Variants in HSDL1 observed in about 807,000 individuals in gnomAD.
HSDL1 encodes the protein hydroxysteroid dehydrogenase like 1, also known as inactive hydroxysteroid dehydrogenase-like protein 1.
Under a neutral mutation model 31.5 loss-of-function variants are expected in HSDL1, and 29 were observed. That is an observed-to-expected ratio of 0.92 (90% CI 0.69 to 1.26). HSDL1 has a LOEUF of 1.26. Among genes scored for constraint, HSDL1 ranks in the 50% most tolerant of loss-of-function variants. The probability of loss-of-function intolerance (pLI) is 0.00; values close to 1 mark genes in which losing one functional copy is unlikely to be tolerated. For synonymous variants in HSDL1, 222 were observed against 155.2 expected (o/e 1.43, Z -3.20); for missense variants, 503 against 416.6 (o/e 1.21, Z -1.81).
In HSDL1 at chr16:84,142,124, C is replaced by T. The variant is rs982873601; in HGVS notation, c.-69+2956G>A. ...TTTTGTGTGTGTAGAGATGAGGTTT[C>T]ACCATGTTGCCCAGGCTGGTCTCAA... On this transcript the variant is annotated intron_variant, in intron 1 of 5. Transcript: ENST00000219439. Among the ~76,000 whole-genome samples, 7 of 152,278 alleles carry T rather than the reference C, an allele frequency of 4.6e-5. No homozygotes were observed. The South Asian group carries it at 1.5e-3, about 32-fold the overall frequency.
In HSDL1 at chr16:84,124,136, CAGCT is replaced by C. The variant is rs1478249210; in HGVS notation, c.*490_*493del. ...AGCATTTTCATTACAGATAGTCAAA[CAGCT>C]AGAGCTATACAATACACACAGATTT... is the stretch of plus-strand genomic sequence containing the variant. On this transcript the variant is annotated 3_prime_UTR_variant, in exon 6 of 6. Transcript: ENST00000219439. 8 of 153,444 alleles carry C rather than the reference CAGCT, an allele frequency of 5.2e-5. No individual in the cohort carries two copies. The highest frequency in any genetic ancestry group is 8.7e-5 in the Non-Finnish European group (6 of 68,858). 9.5% of individuals were successfully genotyped at this position (153,444 alleles called of 1,614,324 possible).
chr16:84,139,578 G>C (rs1159143964), intron 1 of HSDL1, among the ~76,000 whole-genome samples: 1 of 152,204 alleles, frequency 6.6e-6, no homozygotes, highest in Non-Finnish European at 1.5e-5. Flanking sequence ...CCAGAAGGAA[G>C]AGACATCTGT....
chr16:84,125,883 C>G (rs2086601502), intron 5 of HSDL1, among the ~76,000 whole-genome samples: 1 of 152,182 alleles, frequency 6.6e-6, no homozygotes, highest in African/African-American at 2.4e-5. Flanking sequence ...GCGGGTGGAT[C>G]ATGAGGTCAG....
At position 84,131,864 on chromosome 16, in the gene HSDL1, A is replaced by G. The variant is rs555607119; in HGVS notation, c.-6-537T>C. On this transcript the variant is annotated intron_variant, in intron 2 of 5. Transcript: ENST00000219439. ...CCGGCTAATTTTTTGTATTTTTAGT[A>G]GAGACAGGGTTTCACCGCGTTAGCC... 5.3e-5 allele frequency among the ~76,000 whole-genome samples: 8 copies of G among 152,250 alleles called. No individual in the cohort carries two copies. The East Asian group carries it at 1.4e-3, about 26-fold the overall frequency.
intron 5 of HSDL1, chr16:84,125,038 CCAATCACAACAAATACCCACCAAG>C (rs1427567048): frequency 5.0e-6 from 1 of 198,326 alleles, no homozygotes; most frequent in East Asian, 1.2e-4. Context: ...CAAATACCCA[CCAATCACAACAAATACCCACCAAG>C]CAATCACAAC....
intron 3 of HSDL1, 128 bp downstream of exon 3, chr16:84,130,974 G>T: frequency 1.3e-6 from 1 of 752,830 alleles, no homozygotes; most frequent in Non-Finnish European, 2.3e-6. Flanking sequence ...ACATAATCAC[G>T]GCAGGAGCCA....
chr16:84,126,544 A>G (rs2086608571), intron 5 of HSDL1, among the ~76,000 whole-genome samples: 3 of 152,124 alleles, frequency 2.0e-5, no homozygotes, highest in Admixed American at 2.0e-4. Flanking sequence ...GAAAGCCTAC[A>G]CTCCTCTAAC....
intron 5 of HSDL1, among the ~76,000 whole-genome samples, chr16:84,126,008 C>A (rs186207389): frequency 6.7e-6 from 1 of 150,112 alleles, no homozygotes; most frequent in African/African-American, 2.5e-5. Context: ...GAGGCAGAGG[C>A]AGGAAAATGG....
intron 5 of HSDL1, among the ~76,000 whole-genome samples, chr16:84,126,062 C>G (rs911998872): frequency 2.0e-5 from 3 of 148,492 alleles, no homozygotes; most frequent in African/African-American, 7.5e-5. Flanking sequence ...GAGATCGCGG[C>G]ACTGCACTCC....
chr16:84,130,497 A>G, intron 3 of HSDL1, 66 bp from the exon 4 acceptor site: 1 of 1,338,580 alleles, frequency 7.5e-7, no homozygotes, highest in South Asian at 1.4e-5. Flanking sequence ...ATGGACCCAA[A>G]GTACCCCCTG....
At chr16:84,124,811 A>G in intron 5 of HSDL1, 83 bp from the exon 6 acceptor site, 2 of 858,530 alleles carry the variant, frequency 2.3e-6, no homozygotes. Flanking sequence ...AGCACATGAA[A>G]CCCACCAATC....
chr16:84,130,521 G>C lies in HSDL1; in HGVS notation c.221-90C>G, dbSNP rs191107728. 114 of 1,084,442 alleles carry C rather than the reference G, an allele frequency of 1.1e-4. No homozygotes were observed. The Middle Eastern group carries it at 3.1e-3, about 30-fold the overall frequency. The allele number at this position is 1,084,442 out of a possible 1,614,324, so 67.2% of individuals were successfully genotyped here. On this transcript the variant is annotated intron_variant, in intron 3 of 5. Transcript: ENST00000219439. Reference sequence around the variant, plus strand: ...AAGTACCCCCTGTCAGGTTTAGTCAGAGAAAAATTCACACTAGAAATCAAG... The same window carrying C: ...AAGTACCCCCTGTCAGGTTTAGTCACAGAAAAATTCACACTAGAAATCAAG...
At chr16:84,140,249 G>A (rs980508728) in intron 1 of HSDL1, among the ~76,000 whole-genome samples, 6 of 152,136 alleles carry the variant, frequency 3.9e-5, no homozygotes, top group Admixed American at 2.0e-4. Flanking sequence ...TATAGAAAAC[G>A]AATTTTTCTG....
At chr16:84,129,839 A>C in intron 4 of HSDL1, 64 bp from the exon 5 acceptor site, 4 of 1,479,164 alleles carry the variant, frequency 2.7e-6, no homozygotes, top group Non-Finnish European at 3.7e-6. Context: ...TCAGGAGAAA[A>C]AAAGACTTGC....
chr16:84,135,768 C>G (rs966099223), intron 1 of HSDL1, among the ~76,000 whole-genome samples, 163 bp from the exon 2 acceptor site: 1 of 152,238 alleles, frequency 6.6e-6, no homozygotes, highest in Admixed American at 6.5e-5. Flanking sequence ...TACTAGGCAC[C>G]AAGTACCCTC....
At chr16:84,141,672 C>T (rs2086770700) in intron 1 of HSDL1, among the ~76,000 whole-genome samples, 1 of 152,242 alleles carries the variant, frequency 6.6e-6, no homozygotes, top group Non-Finnish European at 1.5e-5. Context: ...GCGTCCAAAG[C>T]TTCACCTTCT....
rs1407901855 is a variant in HSDL1, at chr16:84,131,337, G to A, written c.-6-10C>T. 6 of 1,567,556 alleles carry A rather than the reference G, an allele frequency of 3.8e-6. No individual in the cohort carries two copies. In the East Asian group the frequency reaches 1.3e-4, roughly 35 times the overall value. Reference sequence around the variant, plus strand: ...CAGCAGCCATGGCAACCTGCAGGGAGAGGGAAAGAGAGAGAGCCTCTTTGA... The same window carrying A: ...CAGCAGCCATGGCAACCTGCAGGGAAAGGGAAAGAGAGAGAGCCTCTTTGA... On this transcript the variant is annotated splice_polypyrimidine_tract_variant and intron_variant, in intron 2 of 5. Transcript: ENST00000219439.
chr16:84,144,693 G>A (rs899689390), intron 1 of HSDL1, among the ~76,000 whole-genome samples: 3 of 152,054 alleles, frequency 2.0e-5, no homozygotes, highest in African/African-American at 7.2e-5. Context: ...GAGGCTGCAG[G>A]GAGGGCAGGG....
At chr16:84,141,603 C>T (rs1388971175) in intron 1 of HSDL1, among the ~76,000 whole-genome samples, 2 of 152,358 alleles carry the variant, frequency 1.3e-5, no homozygotes, top group East Asian at 3.9e-4. Context: ...AGCGGCAGAA[C>T]CCATTCACAC....
Sources: gnomAD v4.1 joint callset for allele counts (sites outside exome capture counted in the v4.1 genomes callset) on GRCh38, gnomAD v4.1.1 for gene constraint, MANE v1.5 for transcripts, NCBI Gene and HGNC (gene_info 2026-07-23, HGNC 2026-07-21) for gene names.